The following GLIPR1L1 variants were observed in gnomAD, a reference collection of about 807,000 sequenced individuals.
GLIPR1L1 encodes GLIPR1-like protein 1.
In GLIPR1L1, 26 loss-of-function variants were observed where a neutral mutation model predicts 29.9. The observed-to-expected ratio is 0.87, with a 90% confidence interval of 0.64 to 1.21. The LOEUF is 1.21. Ranked by LOEUF, GLIPR1L1 falls within the 50% of genes most tolerant of loss-of-function variation. The probability of loss-of-function intolerance (pLI) is 0.00; values close to 1 mark genes in which losing one functional copy is unlikely to be tolerated. For synonymous variants in GLIPR1L1, 77 were observed against 97.5 expected (o/e 0.79, Z 1.24); for missense variants, 305 against 290.3 (o/e 1.05, Z -0.37).
Position 75,334,742 on chromosome 12 carries a change from A to T in GLIPR1L1, c.14A>T (p.Asn5Ile), listed in dbSNP as rs780391183. 1 of 1,613,774 alleles carries T rather than the reference A, an allele frequency of 6.2e-7. No individual in the cohort carries two copies. Among genetic ancestry groups the T allele is most frequent in the East Asian group, 2.2e-5 (1 of 44,876 alleles). Residue 5 changes from asparagine (N) to isoleucine (I), a missense_variant, in exon 1 of 6, where the codon AAT (asparagine) becomes ATT (isoleucine). Physicochemically the swap from Asn to Ile is moderately radical, Grantham distance 149 (BLOSUM62 -3). Transcript: ENST00000378695. The part of the protein sequence containing the change: MALK[N>I]KFSCLWILGL... ...CCACATCCTTCCATGGCTCTGAAGA[A>T]TAAATTCAGTTGTTTATGGATCTTG...
chr12:75,353,150 T>C (rs1421389555), intron 3 of GLIPR1L1, among the ~76,000 whole-genome samples: 2 of 150,182 alleles, frequency 1.3e-5, no homozygotes, highest in African/African-American at 2.4e-5. Flanking sequence ...AAGATCAGAG[T>C]GAAACTAAAG....
intron 3 of GLIPR1L1, among the ~76,000 whole-genome samples, chr12:75,358,931 A>T (rs1213297538): frequency 6.9e-6 from 1 of 145,982 alleles, no homozygotes; most frequent in Non-Finnish European, 1.5e-5. Context: ...ACTGCATAAA[A>T]CAGATAAATA....
intron 3 of GLIPR1L1, among the ~76,000 whole-genome samples, chr12:75,351,787 T>C: frequency 6.6e-6 from 1 of 152,188 alleles, no homozygotes; most frequent in Non-Finnish European, 1.5e-5. Context: ...CCTCAGGTGA[T>C]CCACCCTCCT....
intron 2 of GLIPR1L1, among the ~76,000 whole-genome samples, chr12:75,345,842 A>G (rs2042406391): frequency 6.6e-6 from 1 of 152,238 alleles, no homozygotes; most frequent in African/African-American, 2.4e-5. Context: ...AAACAAAAAA[A>G]GCTGGTTCTC....
At chr12:75,362,291 A>T (rs989660296) in intron 3 of GLIPR1L1, among the ~76,000 whole-genome samples, 1 of 152,184 alleles carries the variant, frequency 6.6e-6, no homozygotes, top group African/African-American at 2.4e-5. Context: ...AAAAAATACA[A>T]ATTAAGGTCA....
chr12:75,335,611 T>C (rs1030508455), intron 1 of GLIPR1L1, among the ~76,000 whole-genome samples: 8 of 152,142 alleles, frequency 5.3e-5, no homozygotes, highest in African/African-American at 1.7e-4. Flanking sequence ...TTTCTTCTTT[T>C]CTATCCAGTG....
At chr12:75,367,144 A>AAACC (rs1469688801) in intron 4 of GLIPR1L1, 3 of 642,756 alleles carry the variant, frequency 4.7e-6, no homozygotes, top group Non-Finnish European at 5.6e-6. Context: ...TCCAAAGTGG[A>AAACC]AACCAAATAG....
Position 75,370,069 on chromosome 12 carries a change from T to C in GLIPR1L1, c.638-16T>C, listed in dbSNP as rs758783526. ...TGAACTCTTAACTATTCTGGTTTTGTTTTTGTTTTTGACAGAAAATCCATT... is the reference window on the plus strand; with the variant it reads ...TGAACTCTTAACTATTCTGGTTTTGCTTTTGTTTTTGACAGAAAATCCATT... On this transcript the variant is annotated splice_polypyrimidine_tract_variant and intron_variant, in intron 5 of 5. Coordinates refer to ENST00000378695, the MANE Select transcript of GLIPR1L1 (RefSeq NM_001304964.2). The C allele has an allele frequency of 5.9e-6, 9 of 1,536,930 alleles. No homozygotes were observed. The East Asian group carries it at 1.3e-4, about 23-fold the overall frequency.
intron 3 of GLIPR1L1, among the ~76,000 whole-genome samples, chr12:75,359,719 T>A (rs930072516): frequency 6.6e-6 from 1 of 152,010 alleles, no homozygotes; most frequent in African/African-American, 2.4e-5. Context: ...TTTTCAGAAA[T>A]GCACAAAGGT....
intron 3 of GLIPR1L1, among the ~76,000 whole-genome samples, chr12:75,349,923 T>C (rs141047627): frequency 8.0e-4 from 122 of 152,290 alleles, no homozygotes; most frequent in African/African-American, 2.8e-3. Flanking sequence ...TTAGTGGAAA[T>C]TGATTTCCTT....
At position 75,360,073 on chromosome 12, in the gene GLIPR1L1, T is replaced by A. The variant is rs540533045; in HGVS notation, c.522-3029T>A. On this transcript the variant is annotated intron_variant, in intron 3 of 5. Coordinates refer to ENST00000378695, the MANE Select transcript of GLIPR1L1 (RefSeq NM_001304964.2). ...TCTCATGAGAACTCACTCACTATCA[T>A]GAGAACAGCATGGGGGAAACTGCCC... 6 of 152,266 alleles carry A rather than the reference T, an allele frequency of 3.9e-5. No individual in the cohort carries two copies. The East Asian group carries it at 1.2e-3, about 29-fold the overall frequency. 9.4% of individuals were successfully genotyped at this position (152,266 alleles called of 1,614,324 possible).
At chr12:75,357,968 T>C (rs2043261358) in intron 3 of GLIPR1L1, among the ~76,000 whole-genome samples, 1 of 141,280 alleles carries the variant, frequency 7.1e-6, no homozygotes, top group African/African-American at 2.6e-5. Flanking sequence ...AAAGTAAATC[T>C]AAAGTAAAAA....
At chr12:75,361,138 G>C (rs2043557740) in intron 3 of GLIPR1L1, 1 of 152,122 alleles carries the variant, frequency 6.6e-6, no homozygotes, top group East Asian at 1.9e-4. Context: ...TTTGTGGCTG[G>C]GACTGGGGCT....
intron 1 of GLIPR1L1, 59 bp downstream of exon 1, chr12:75,334,961 G>A: frequency 1.3e-6 from 2 of 1,496,720 alleles, no homozygotes; most frequent in Non-Finnish European, 1.8e-6. Flanking sequence ...GTATCTGGGT[G>A]ATAAATTTCA....
rs770174615 is a variant in GLIPR1L1 at position 75,347,649 on chromosome 12, G to A, written c.448G>A (p.Gly150Ser). The A allele has an allele frequency of 2.4e-5, 38 of 1,607,646 alleles. No homozygotes were observed. The East Asian group carries it at 2.7e-4, about 11-fold the overall frequency. Reference protein sequence around the residue: ...QLVWANSFYVGCAVAMCPNLG... With the variant: ...QLVWANSFYVSCAVAMCPNLG... ...AGTTTGGGCCAATTCATTTTATGTC[G>A]GTTGTGCAGTTGCAATGTGTCCTAA... is the stretch of plus-strand genomic sequence containing the variant. Residue 150 changes from glycine to serine, a missense_variant, in exon 3 of 6, where the codon GGT becomes AGT. Coordinates refer to ENST00000378695, the MANE Select transcript of GLIPR1L1 (RefSeq NM_001304964.2).
chr12:75,343,732 G>T lies in GLIPR1L1; in HGVS notation c.214G>T (p.Ala72Ser). ...KGLAKMAKAW[A>S]NQCKFEHNDC... ...TTTAGCAAAGATGGCTAAAGCATGG[G>T]CAAACCAGTGCAAATTTGAACATAA... Residue 72 changes from alanine to serine, a missense_variant, in exon 2 of 6, where the codon GCA becomes TCA. Coordinates refer to ENST00000378695, the MANE Select transcript of GLIPR1L1 (RefSeq NM_001304964.2). The T allele has an allele frequency of 6.2e-7, 1 of 1,612,060 alleles. No homozygotes were observed. Among genetic ancestry groups the T allele is most frequent in the Non-Finnish European group, 8.5e-7 (1 of 1,178,462 alleles).
At chr12:75,358,865 C>G (rs1255930963) in intron 3 of GLIPR1L1, among the ~76,000 whole-genome samples, 1 of 131,188 alleles carries the variant, frequency 7.6e-6, no homozygotes, top group Admixed American at 7.7e-5. Context: ...ATGGTTTAAA[C>G]ATATATAATA....
chr12:75,347,990 T>C (rs1365014883), intron 3 of GLIPR1L1, among the ~76,000 whole-genome samples: 1 of 152,068 alleles, frequency 6.6e-6, no homozygotes, highest in Non-Finnish European at 1.5e-5. Context: ...ATATAAAATA[T>C]GTTGCCACAG....
At chr12:75,360,377 G>A (rs190063311) in intron 3 of GLIPR1L1, 8 of 152,250 alleles carry the variant, frequency 5.3e-5, no homozygotes, top group Non-Finnish European at 8.8e-5. Context: ...CTATAAGCCT[G>A]TAAAATCAAA....
Sources: allele counts gnomAD v4.1 joint callset (sites outside exome capture counted in the v4.1 genomes callset), GRCh38; gene constraint gnomAD v4.1.1; transcripts MANE v1.5; gene names NCBI Gene and HGNC (gene_info 2026-07-23, HGNC 2026-07-21).